TDRD10: variants seen among roughly 807,000 people sequenced by gnomAD.
TDRD10 encodes the protein tudor domain-containing protein 10.
TDRD10 carries 40 observed loss-of-function variants against 48.0 expected under a neutral mutation model. That is an observed-to-expected ratio of 0.83 (90% confidence interval 0.65 to 1.09). TDRD10 has a LOEUF of 1.09. Among genes scored for constraint, TDRD10 ranks in the 50% least tolerant of loss-of-function variants. The probability of loss-of-function intolerance (pLI) is 0.00; values close to 1 mark genes in which losing one functional copy is unlikely to be tolerated. For synonymous variants in TDRD10, 162 were observed against 170.4 expected (o/e 0.95, Z 0.38); for missense variants, 378 against 434.7 (o/e 0.87, Z 1.16).
intron 6 of TDRD10, among the ~76,000 whole-genome samples, chr1:154,531,719 C>T (rs985795293): frequency 4.6e-5 from 7 of 152,186 alleles, no homozygotes. Context: ...GAGTGGGTTG[C>T]CACTGCTGGC....
Position 154,544,081 on chromosome 1 carries a change from C to T in TDRD10, c.622C>T (p.Pro208Ser), listed in dbSNP as rs1184961968. 1.1e-5 allele frequency: 17 copies of T among 1,614,114 alleles called. No individual in the cohort carries two copies. Among genetic ancestry groups the T allele is most frequent in the Non-Finnish European group, 1.4e-5 (16 of 1,180,026 alleles). ...GGTGACGAGTATCGTCCCGAAGACC[C>T]CGTTTTTCTGGGCTATGCACGTCAC... ...LLVTSIVPKT[P>S]FFWAMHVTEA... is the part of the protein sequence containing the mutation. Residue 208 changes from proline to serine, a missense_variant, in exon 9 of 13, where the codon CCG becomes TCG. Pro to Ser is a moderately conservative substitution (Grantham distance 74). Transcript: ENST00000368482.
intron 8 of TDRD10, among the ~76,000 whole-genome samples, chr1:154,543,053 A>G (rs1253732011): frequency 6.6e-6 from 1 of 152,132 alleles, no homozygotes; most frequent in African/African-American, 2.4e-5. Flanking sequence ...AAGTGGGTGG[A>G]TCACTTGAGG....
intron 6 of TDRD10, among the ~76,000 whole-genome samples, chr1:154,533,027 TC>T: frequency 6.6e-6 from 1 of 152,250 alleles, no homozygotes; most frequent in East Asian, 1.9e-4. Context: ...GGTATGGAAG[TC>T]CAGGATTCCC....
Position 154,525,941 on chromosome 1 carries a change from C to T in TDRD10, c.369+4462C>T, listed in dbSNP as rs1163552442. On this transcript the variant is annotated intron_variant, in intron 6 of 12. Transcript: ENST00000368482. ...AAAAGAGGCTGGGCGTGGTGGCTCACGCCGGTAATCCTAGCACTTTGGGAG... is the reference window on the plus strand; with the variant it reads ...AAAAGAGGCTGGGCGTGGTGGCTCATGCCGGTAATCCTAGCACTTTGGGAG... 3.4e-5 allele frequency among the ~76,000 whole-genome samples: 5 copies of T among 147,884 alleles called. No individual in the cohort carries two copies. The East Asian group carries it at 5.9e-4, about 18-fold the overall frequency.
At chr1:154,540,122 T>A (rs1184761340) in intron 6 of TDRD10, among the ~76,000 whole-genome samples, 3 of 152,244 alleles carry the variant, frequency 2.0e-5, no homozygotes, top group African/African-American at 7.2e-5. Context: ...TGATGTCATG[T>A]GATCTACTTT....
At chr1:154,526,533 G>T (rs1694325893) in intron 6 of TDRD10, among the ~76,000 whole-genome samples, 1 of 150,818 alleles carries the variant, frequency 6.6e-6, no homozygotes, top group African/African-American at 2.4e-5. Flanking sequence ...AGAGCTTACT[G>T]CAACCTCTGC....
intron 5 of TDRD10, among the ~76,000 whole-genome samples, chr1:154,520,903 A>G (rs554682808): frequency 3.9e-5 from 6 of 152,128 alleles, no homozygotes; most frequent in African/African-American, 1.4e-4. Context: ...ACATCCGGCT[A>G]ATTTTTGTAT....
At chr1:154,537,712 A>G (rs1375000111) in intron 6 of TDRD10, among the ~76,000 whole-genome samples, 1 of 152,120 alleles carries the variant, frequency 6.6e-6, no homozygotes. Context: ...GACTGGATGG[A>G]TGGTCCCACC....
At chr1:154,505,914 A>ATGGG (rs1693124436) in intron 1 of TDRD10, among the ~76,000 whole-genome samples, 1 of 152,202 alleles carries the variant, frequency 6.6e-6, no homozygotes, top group South Asian at 2.1e-4. Flanking sequence ...GATCTATGAC[A>ATGGG]TGGGTGTTTT....
chr1:154,542,667 T>A (rs1265824325), intron 7 of TDRD10, 64 bp from the exon 8 acceptor site: 1 of 1,374,990 alleles, frequency 7.3e-7, no homozygotes, highest in African/African-American at 1.4e-5. Context: ...CTCTTGTGGG[T>A]TAGGGGAGCA....
At chr1:154,523,597 C>T (rs1183375409) in intron 6 of TDRD10, among the ~76,000 whole-genome samples, 4 of 152,184 alleles carry the variant, frequency 2.6e-5, no homozygotes, top group Admixed American at 6.5e-5. Flanking sequence ...AGTCTGCTGA[C>T]CCCACCATTT....
At chr1:154,543,836 C>T (rs368047962) in intron 8 of TDRD10, 127 bp from the exon 9 acceptor site, 1 of 1,403,848 alleles carries the variant, frequency 7.1e-7, no homozygotes, top group East Asian at 2.3e-5. Context: ...GTGGGCACAG[C>T]CTTTCTGCTT....
chr1:154,504,926 G>T (rs1244106539), intron 1 of TDRD10, among the ~76,000 whole-genome samples: 1 of 152,162 alleles, frequency 6.6e-6, no homozygotes, highest in East Asian at 1.9e-4. Context: ...GGCAGAGGTT[G>T]CAGTGAGCCG....
At chr1:154,522,217 G>A (rs1279595605) in intron 6 of TDRD10, among the ~76,000 whole-genome samples, 1 of 152,186 alleles carries the variant, frequency 6.6e-6, no homozygotes. Flanking sequence ...GCAGGAAGAA[G>A]GGGAGAAGCA....
At chr1:154,528,436 G>C (rs996275767) in intron 6 of TDRD10, among the ~76,000 whole-genome samples, 4 of 151,860 alleles carry the variant, frequency 2.6e-5, no homozygotes, top group Admixed American at 2.6e-4. Flanking sequence ...ATGTTGATCA[G>C]GCTGGTCTAG....
chr1:154,505,648 C>T (rs113525759), intron 1 of TDRD10, among the ~76,000 whole-genome samples: 63 of 152,252 alleles, frequency 4.1e-4, no homozygotes, highest in African/African-American at 1.4e-3. Flanking sequence ...ATGACTTTGA[C>T]GCCTTGTTAT....
rs1419861142 is a variant in TDRD10, at chr1:154,507,444, C to G, written c.82+124C>G. 6 of 1,149,868 alleles carry G rather than the reference C, an allele frequency of 5.2e-6. No homozygotes were observed. The African/African-American group carries it at 7.6e-5, about 15-fold the overall frequency. 71.2% of individuals were successfully genotyped at this position (1,149,868 alleles called of 1,614,324 possible). On this transcript the variant is annotated intron_variant, in intron 3 of 12. Transcript: ENST00000368482. ...AAACTTGGGATCTGCCTAGATTCTG[C>G]TCTTCCTCCAGTCAGCCACCATGTT...
intron 4 of TDRD10, among the ~76,000 whole-genome samples, chr1:154,510,915 G>A (rs1255151807): frequency 1.3e-5 from 2 of 151,362 alleles, no homozygotes; most frequent in Non-Finnish European, 1.5e-5. Context: ...GCATGGTGGT[G>A]GGCGCCTGTA....
chr1:154,519,527 T>A (rs1693942261), intron 4 of TDRD10, among the ~76,000 whole-genome samples: 1 of 151,974 alleles, frequency 6.6e-6, no homozygotes, highest in Non-Finnish European at 1.5e-5. Context: ...GAACCTGAAG[T>A]GAAGCCATCA....
Sources: allele counts gnomAD v4.1 joint callset (sites outside exome capture counted in the v4.1 genomes callset), GRCh38; gene constraint gnomAD v4.1.1; transcripts MANE v1.5; gene names NCBI Gene and HGNC (gene_info 2026-07-23, HGNC 2026-07-21).